Variants in KCNG3 observed in about 807,000 individuals in gnomAD.
The protein encoded by KCNG3 is voltage-gated potassium channel regulatory subunit KCNG3.
In KCNG3, 15 loss-of-function variants were observed where a neutral mutation model predicts 29.0. The observed-to-expected ratio is 0.52, with a 90% CI of 0.35 to 0.80. The LOEUF is 0.80. Among genes scored for constraint, KCNG3 ranks in the 30% least tolerant of loss-of-function variants. KCNG3 has a pLI of 0.01. For missense variants in KCNG3, 512 were observed against 605.7 expected, an observed-to-expected ratio of 0.85 and a Z score of 1.62; for synonymous variants, 322 against 248.9, an observed-to-expected ratio of 1.29 and a Z score of -2.76.
intron 1 of KCNG3, among the ~76,000 whole-genome samples, chr2:42,491,673 CCAAGAAGAAATAATAGACTCCGTGGCA>C (rs1215527397): frequency 6.6e-6 from 1 of 152,088 alleles, no homozygotes; most frequent in Non-Finnish European, 1.5e-5. Context: ...CGATTTCAAG[CCAAGAAGAAATAATAGACTCCGTGGCA>C]CTAGACAATT....
chr2:42,486,376 T>G (rs1005185726), intron 1 of KCNG3, among the ~76,000 whole-genome samples: 1 of 152,256 alleles, frequency 6.6e-6, no homozygotes, highest in Non-Finnish European at 1.5e-5. Context: ...CTGCCAGGTC[T>G]CTCCACATCT....
At chr2:42,391,247 A>C in the KCNG3 span, among the ~76,000 whole-genome samples, 2 of 152,078 alleles carry the variant, frequency 1.3e-5, no homozygotes, top group Non-Finnish European at 2.9e-5. Context: ...GCCATCTCCT[A>C]CTCATGGAGC....
In KCNG3 at chr2:42,477,551, C is replaced by A. The variant is rs892459218; in HGVS notation, c.665+15286G>T. ...CACGCCGTTCTCCTGCCCCAGCCTC[C>A]CAAGTAGCTGGTCAATACAAAATTT... On this transcript the variant is annotated intron_variant, in intron 1 of 1. Transcript: ENST00000306078. 5.5e-4 allele frequency among the ~76,000 whole-genome samples: 83 copies of A among 150,838 alleles called. 2 individuals carry two copies. The highest frequency in any genetic ancestry group is 1.5e-4 in the Non-Finnish European group (10 of 67,816).
chr2:42,427,619 AT>A, the KCNG3 span, among the ~76,000 whole-genome samples: 1 of 152,074 alleles, frequency 6.6e-6, no homozygotes, highest in Non-Finnish European at 1.5e-5. Flanking sequence ...AAAAAAAAAA[AT>A]TATTTCAACA....
the KCNG3 span, among the ~76,000 whole-genome samples, chr2:42,435,079 G>A: frequency 6.6e-6 from 1 of 152,122 alleles, no homozygotes; most frequent in Non-Finnish European, 1.5e-5. Flanking sequence ...AAGGCGGGTG[G>A]ATCACCTGAG....
chr2:42,467,468 G>C (rs1010657132), intron 1 of KCNG3, among the ~76,000 whole-genome samples: 1 of 152,064 alleles, frequency 6.6e-6, no homozygotes, highest in Non-Finnish European at 1.5e-5. Context: ...AGGAGTGCAA[G>C]ACCAGCCTGG....
chr2:42,493,618 G>T lies in KCNG3; in HGVS notation c.-117C>A, dbSNP rs545984928. 4.5e-6 allele frequency: 4 copies of T among 897,718 alleles called. No homozygotes were observed. The East Asian group carries it at 1.1e-4, about 24-fold the overall frequency. The allele number at this position is 897,718 out of a possible 1,614,324, so 55.6% of individuals were successfully genotyped here. The stretch of plus-strand genomic sequence containing the variant: ...GGGGGAGCGCGCCGTCGGGGCCCGC[G>T]CTCCCTCGGGGCTCCGCTCCTGCCC... On this transcript the variant is annotated 5_prime_UTR_variant, in exon 1 of 2. Transcript: ENST00000306078.
chr2:42,428,668 A>G, the KCNG3 span, among the ~76,000 whole-genome samples: 110 of 152,258 alleles, frequency 7.2e-4, no homozygotes, highest in African/African-American at 2.6e-3. Context: ...AAGGGAAAAA[A>G]GGGGGATTCA....
chr2:42,485,102 T>C (rs1422095906), intron 1 of KCNG3, among the ~76,000 whole-genome samples: 1 of 152,190 alleles, frequency 6.6e-6, no homozygotes, highest in Non-Finnish European at 1.5e-5. Flanking sequence ...TCACCTGGTG[T>C]TTCATTTTGA....
In KCNG3 at chr2:42,492,869, C is replaced by T; in HGVS notation, c.633G>A (p.Arg211=). The part of the protein sequence containing the change: ...ADNRSLDDRS[R]YSAGPGREPS... ...GCTCCCTCCCAGGGCCGGCGGAGTA[C>T]CTGCTCCGGTCATCCAGGCTGCGGT... is the stretch of plus-strand genomic sequence containing the variant. The change falls in exon 1 of 2, where the codon AGG becomes AGA. Residue 211 remains arginine, a synonymous_variant. Transcript: ENST00000306078. 2 of 1,527,456 alleles carry T rather than the reference C, an allele frequency of 1.3e-6. No individual in the cohort carries two copies. The highest frequency in any genetic ancestry group is 2.4e-5 in the East Asian group (1 of 41,348). The allele number at this position is 1,527,456 out of a possible 1,614,324, so 94.6% of individuals were successfully genotyped here. A position where few individuals can be genotyped will look rare whatever the true frequency, so the allele number is the denominator to read the frequency against.
At chr2:42,416,349 A>C in the KCNG3 span, among the ~76,000 whole-genome samples, 3 of 152,202 alleles carry the variant, frequency 2.0e-5, no homozygotes. Flanking sequence ...ACAGTGGTGC[A>C]TGCCTGTAGT....
chr2:42,475,983 T>C (rs1673414531), intron 1 of KCNG3, among the ~76,000 whole-genome samples: 1 of 152,122 alleles, frequency 6.6e-6, no homozygotes. Flanking sequence ...GGAGAATCAC[T>C]TGAACCCGGG....
the KCNG3 span, among the ~76,000 whole-genome samples, chr2:42,413,502 C>A: frequency 6.6e-6 from 1 of 151,928 alleles, no homozygotes; most frequent in African/African-American, 2.4e-5. Context: ...CATTTTTCTT[C>A]TTCTAATGAT....
chr2:42,492,903 G>C lies in KCNG3; in HGVS notation c.599C>G (p.Ala200Gly), dbSNP rs778585548. 2 of 1,569,954 alleles carry C rather than the reference G, an allele frequency of 1.3e-6. No individual in the cohort carries two copies. The highest frequency in any genetic ancestry group is 2.3e-5 in the South Asian group (2 of 85,244). ...GTCATCCAGGCTGCGGTTGTCGGCG[G>C]CTGCGTTGCGCCAGTCGGGCAACGT... ...ASTLPDWRNAAADNRSLDDRS... is the reference protein window; with the variant it reads ...ASTLPDWRNAGADNRSLDDRS... The change falls in exon 1 of 2, where the codon GCC becomes GGC. Residue 200 changes from alanine (A) to glycine (G), a missense_variant. Ala to Gly is a moderately conservative substitution (Grantham distance 60, BLOSUM62 0). This residue lies in a region of KCNG3 where 228 missense variants were observed against 200.0 expected (regional missense o/e 1.14). Transcript: ENST00000306078.
intron 1 of KCNG3, among the ~76,000 whole-genome samples, chr2:42,474,577 G>C (rs1293439272): frequency 6.6e-6 from 1 of 152,026 alleles, no homozygotes; most frequent in African/African-American, 2.4e-5. Context: ...TAAATATTAT[G>C]TTTTGATATA....
chr2:42,459,127 T>C (rs956035847), intron 1 of KCNG3, among the ~76,000 whole-genome samples: 11 of 147,950 alleles, frequency 7.4e-5, no homozygotes, highest in African/African-American at 2.5e-4. Flanking sequence ...ACCCGGGATG[T>C]GGAGGTTGCA....
the KCNG3 span, among the ~76,000 whole-genome samples, chr2:42,411,411 G>C: frequency 2.6e-5 from 4 of 152,052 alleles, no homozygotes; most frequent in Non-Finnish European, 5.9e-5. Flanking sequence ...CACACGCAAA[G>C]TTTTTCCATT....
At chr2:42,409,175 G>A in the KCNG3 span, among the ~76,000 whole-genome samples, 1 of 152,058 alleles carries the variant, frequency 6.6e-6, no homozygotes, top group Admixed American at 6.6e-5. Flanking sequence ...ACCAAATGCA[G>A]CCTGCCAGGC....
At chr2:42,419,385 C>T in the KCNG3 span, among the ~76,000 whole-genome samples, 5 of 151,474 alleles carry the variant, frequency 3.3e-5, no homozygotes, top group Admixed American at 3.3e-4. Context: ...TTACAGGCAC[C>T]TGCCACCATG....
Sources: allele counts gnomAD v4.1 joint callset (sites outside exome capture counted in the v4.1 genomes callset), GRCh38; gene constraint gnomAD v4.1.1; regional missense constraint gnomAD v4.1.1; transcripts MANE v1.5; gene names NCBI Gene and HGNC (gene_info 2026-07-23, HGNC 2026-07-21).